The following GRID1 variants were observed in gnomAD, a reference collection of about 807,000 sequenced individuals.
GRID1 encodes the protein glutamate receptor ionotropic, delta-1.
A neutral mutation model predicts 98.0 loss-of-function variants in GRID1; 28 were observed. The observed-to-expected ratio is 0.29, with a 90% CI of 0.21 to 0.39. GRID1 has a LOEUF of 0.39. GRID1 is among the 10% of genes least tolerant of loss of function. GRID1 has a pLI of 1.00. For synonymous variants in GRID1, 553 were observed against 538.5 expected (o/e 1.03, Z -0.37); for missense variants, 1,111 against 1,340.5 (o/e 0.83, Z 2.67).
chr10:86,046,905 C>A (rs1240001480), intron 4 of GRID1, among the ~76,000 whole-genome samples: 3 of 148,510 alleles, frequency 2.0e-5, no homozygotes, highest in Non-Finnish European at 4.5e-5. Context: ...AGAGATCAAA[C>A]GGTTAGCAAG....
intron 1 of GRID1, 45 bp from the exon 2 acceptor site, chr10:86,364,141 C>G: frequency 6.4e-7 from 1 of 1,566,188 alleles, no homozygotes; most frequent in Non-Finnish European, 8.7e-7. Flanking sequence ...CAAGAACCCT[C>G]TCCCCGCTTC....
chr10:85,906,246 A>G lies in GRID1; in HGVS notation c.780+9940T>C, dbSNP rs558340479. Among the ~76,000 whole-genome samples, 169 of 152,288 alleles carry G rather than the reference A, an allele frequency of 1.1e-3. No individual in the cohort carries two copies. The Middle Eastern group carries it at 0.014, about 12-fold the overall frequency. On this transcript the variant is annotated intron_variant, in intron 5 of 15. Coordinates refer to ENST00000327946, the MANE Select transcript of GRID1 (RefSeq NM_017551.3). ...TATGCCCCTTGAAATAAAGCTTCCA[A>G]ATATATTAAGCAATAACTGGTAAAA...
At position 85,599,679 on chromosome 10, in the gene GRID1, A is replaced by G. The variant is rs1286379128; in HGVS notation, c.*2594T>C. On this transcript the variant is annotated 3_prime_UTR_variant, in exon 16 of 16. Transcript: ENST00000327946. ...AATCCAAAGAGCAAAGCATGAAAAAAAGATACATTCTGAGCTGACACAGAA... is the reference window on the plus strand; with the variant it reads ...AATCCAAAGAGCAAAGCATGAAAAAGAGATACATTCTGAGCTGACACAGAA... 2.6e-5 allele frequency: 4 copies of G among 151,480 alleles called. No individual in the cohort carries two copies. The highest frequency in any genetic ancestry group is 9.8e-5 in the African/African-American group (4 of 40,946). The allele number at this position is 151,480 out of a possible 1,614,324, so 9.4% of individuals were successfully genotyped here.
chr10:86,068,726 C>T (rs1259071581), intron 4 of GRID1, among the ~76,000 whole-genome samples: 3 of 152,194 alleles, frequency 2.0e-5, no homozygotes, highest in Non-Finnish European at 4.4e-5. Flanking sequence ...GCAACTTGCT[C>T]AGATGGTGTC....
intron 3 of GRID1, among the ~76,000 whole-genome samples, chr10:86,185,786 G>A (rs1455994083): frequency 6.6e-6 from 1 of 152,144 alleles, no homozygotes; most frequent in African/African-American, 2.4e-5. Flanking sequence ...AATCAGCCTT[G>A]TATTACTGGA....
intron 5 of GRID1, among the ~76,000 whole-genome samples, chr10:85,902,228 T>TA (rs1361515984): frequency 6.6e-6 from 1 of 152,200 alleles, no homozygotes; most frequent in Admixed American, 6.5e-5. Context: ...TTCTATCTGA[T>TA]AACCTAGTAG....
intron 4 of GRID1, among the ~76,000 whole-genome samples, chr10:86,064,536 G>T (rs10887555): frequency 0.46 from 70,133 of 152,070 alleles, 17,610 homozygotes; most frequent in South Asian, 0.71. Context: ...AGCTGCAATG[G>T]GTATCAAATG....
chr10:85,875,588 G>A (rs1160850933), intron 5 of GRID1, among the ~76,000 whole-genome samples: 4 of 151,750 alleles, frequency 2.6e-5, no homozygotes, highest in Non-Finnish European at 5.9e-5. Flanking sequence ...AAAATGATTT[G>A]TTTCCTATCT....
chr10:86,312,784 G>T (rs1335770267), intron 2 of GRID1, among the ~76,000 whole-genome samples: 1 of 152,248 alleles, frequency 6.6e-6, no homozygotes, highest in Non-Finnish European at 1.5e-5. Context: ...AGTGAACAGA[G>T]CCTGGAGTGT....
chr10:86,289,479 GA>G (rs1422523508), intron 2 of GRID1, among the ~76,000 whole-genome samples: 1 of 151,516 alleles, frequency 6.6e-6, no homozygotes, highest in Non-Finnish European at 1.5e-5. Context: ...TGCTTCCAGG[GA>G]ACCCAGGATG....
At chr10:85,929,336 G>C (rs1245524609) in intron 4 of GRID1, among the ~76,000 whole-genome samples, 1 of 152,064 alleles carries the variant, frequency 6.6e-6, no homozygotes, top group East Asian at 1.9e-4. Flanking sequence ...GTCCACCGAA[G>C]GTGTCTTATC....
intron 5 of GRID1, among the ~76,000 whole-genome samples, chr10:85,903,926 C>T (rs1013189323): frequency 6.6e-6 from 1 of 152,304 alleles, no homozygotes; most frequent in South Asian, 2.1e-4. Flanking sequence ...CATGGGCACC[C>T]TATGTAAAGT....
intron 4 of GRID1, among the ~76,000 whole-genome samples, chr10:85,977,234 A>C (rs1363090451): frequency 6.6e-6 from 1 of 152,234 alleles, no homozygotes; most frequent in Non-Finnish European, 1.5e-5. Flanking sequence ...CATGTAGTAG[A>C]TGCTCAATAA....
At position 86,131,311 on chromosome 10, in the gene GRID1, C is replaced by T. The variant is rs546314211; in HGVS notation, c.726+7508G>A. Among the ~76,000 whole-genome samples, 12 of 152,188 alleles carry T rather than the reference C, an allele frequency of 7.9e-5. No homozygotes were observed. In the East Asian group the frequency reaches 1.7e-3, roughly 22 times the overall value. ...CCAAGGCTGAACACCCTTGGGGATC[C>T]GGGAGCAGAAAGGGTAATTGAGCCA... On this transcript the variant is annotated intron_variant, in intron 4 of 15. Coordinates refer to ENST00000327946, the MANE Select transcript of GRID1 (RefSeq NM_017551.3).
At chr10:86,208,015 A>G (rs2132020912) in intron 2 of GRID1, among the ~76,000 whole-genome samples, 1 of 152,332 alleles carries the variant, frequency 6.6e-6, no homozygotes, top group East Asian at 1.9e-4. Context: ...TTGACAATGC[A>G]GTTCTTTTGG....
At chr10:86,218,331 T>C (rs113182929) in intron 2 of GRID1, among the ~76,000 whole-genome samples, 1 of 152,100 alleles carries the variant, frequency 6.6e-6, no homozygotes, top group Non-Finnish European at 1.5e-5. Flanking sequence ...CACCCTGCAT[T>C]TGGAAGCTGA....
intron 13 of GRID1, among the ~76,000 whole-genome samples, chr10:85,634,998 G>GAAAAAAAAAAAAA (rs140144576): frequency 3.7e-4 from 13 of 35,008 alleles, no homozygotes; most frequent in East Asian, 1.3e-3. Flanking sequence ...GAGGAAATCT[G>GAAAAAAAAAAAAA]AAAAAAAAAA....
At chr10:86,078,453 G>C (rs1790787199) in intron 4 of GRID1, among the ~76,000 whole-genome samples, 1 of 152,212 alleles carries the variant, frequency 6.6e-6, no homozygotes, top group Non-Finnish European at 1.5e-5. Flanking sequence ...GTGCTCCGCG[G>C]CCTGCAGCAG....
chr10:85,996,074 G>A (rs541244958), intron 4 of GRID1, among the ~76,000 whole-genome samples: 22 of 152,340 alleles, frequency 1.4e-4, no homozygotes, highest in Middle Eastern at 3.4e-3. Context: ...GCAACATGCT[G>A]GAGCTTGTGG....
Sources: gnomAD v4.1 joint callset for allele counts (sites outside exome capture counted in the v4.1 genomes callset) on GRCh38, gnomAD v4.1.1 for gene constraint, MANE v1.5 for transcripts, NCBI Gene and HGNC (gene_info 2026-07-23, HGNC 2026-07-21) for gene names.